SLCO1A2: variants seen among roughly 807,000 people sequenced by gnomAD.
The protein encoded by SLCO1A2 is OATP-1.
A neutral mutation model predicts 69.0 loss-of-function variants in SLCO1A2; 67 were observed. The ratio of observed to expected loss-of-function variants is 0.97; its 90% confidence interval spans 0.80 to 1.19. The LOEUF is 1.19. SLCO1A2 is among the 50% of genes most tolerant of loss of function. The probability of loss-of-function intolerance (pLI) is 0.00; values close to 1 mark genes in which losing one functional copy is unlikely to be tolerated. For synonymous variants in SLCO1A2, 260 were observed against 265.9 expected, an observed-to-expected ratio of 0.98 and a Z score of 0.22; for missense variants, 787 against 793.7, an observed-to-expected ratio of 0.99 and a Z score of 0.10.
Position 21,294,002 on chromosome 12 carries a change from T to A in SLCO1A2, c.1380A>T (p.Ser460=), listed in dbSNP as rs11568574. 1.9e-6 allele frequency: 3 copies of A among 1,613,096 alleles called. No homozygotes were observed. Among genetic ancestry groups the A allele is most frequent in the Non-Finnish European group, 2.5e-6 (3 of 1,179,590 alleles). The change falls in exon 11 of 15, where the codon TCA becomes TCT. Residue 460 remains serine (S), a synonymous_variant. Coordinates refer to ENST00000683939, the MANE Select transcript of SLCO1A2 (RefSeq NM_001386879.1). ...AACCAGCAAGACAAGCTGACAGATA[T>A]GACAAGCCATTGTTTCCACACACAG... ...WDPVCGNNGL[S]YLSACLAGCE... is the part of the protein sequence containing the mutation.
At chr12:21,274,915 T>G in intron 13 of SLCO1A2, 3 of 1,054,786 alleles carry the variant, frequency 2.8e-6, no homozygotes, top group African/African-American at 1.7e-5. Flanking sequence ...TCATTTTATT[T>G]TCAAATCTTC....
intron 12 of SLCO1A2, among the ~76,000 whole-genome samples, chr12:21,290,384 T>C: frequency 6.6e-6 from 1 of 152,030 alleles, no homozygotes; most frequent in East Asian, 1.9e-4. Flanking sequence ...GGCAGGTGGG[T>C]GAGGCAAAGT....
At chr12:21,361,913 G>A (rs549037774) in intron 2 of SLCO1A2, among the ~76,000 whole-genome samples, 22 of 152,238 alleles carry the variant, frequency 1.4e-4, no homozygotes, top group Admixed American at 2.6e-4. Flanking sequence ...CCAAATCTAC[G>A]TCTGATTGGT....
chr12:21,315,682 G>A (rs1045868949), intron 3 of SLCO1A2, among the ~76,000 whole-genome samples: 4 of 152,120 alleles, frequency 2.6e-5, no homozygotes, highest in African/African-American at 9.7e-5. Flanking sequence ...TATTTTATAT[G>A]GAGAGCGCCC....
chr12:21,288,861 A>G (rs1946384461), intron 12 of SLCO1A2, among the ~76,000 whole-genome samples: 1 of 151,520 alleles, frequency 6.6e-6, no homozygotes, highest in Non-Finnish European at 1.5e-5. Context: ...TTTAAATCTA[A>G]TTTTTACTTC....
intron 2 of SLCO1A2, among the ~76,000 whole-genome samples, chr12:21,331,389 C>T (rs1565503566): frequency 6.6e-6 from 1 of 152,014 alleles, no homozygotes; most frequent in Non-Finnish European, 1.5e-5. Flanking sequence ...TGTTTGTTTT[C>T]TTTTTTTCAG....
At chr12:21,348,366 A>G (rs1340964882) in intron 2 of SLCO1A2, among the ~76,000 whole-genome samples, 1 of 152,158 alleles carries the variant, frequency 6.6e-6, no homozygotes, top group Non-Finnish European at 1.5e-5. Context: ...GTAACCATTA[A>G]CCATCCTCAC....
chr12:21,362,824 C>A (rs1157834540), intron 2 of SLCO1A2, among the ~76,000 whole-genome samples: 4 of 152,180 alleles, frequency 2.6e-5, no homozygotes, highest in Non-Finnish European at 5.9e-5. Flanking sequence ...GTAACAGGAT[C>A]AATTCAACAA....
intron 2 of SLCO1A2, among the ~76,000 whole-genome samples, chr12:21,367,915 A>G (rs1213168216): frequency 6.6e-6 from 1 of 152,196 alleles, no homozygotes; most frequent in African/African-American, 2.4e-5. Flanking sequence ...AGGTAATCAA[A>G]TAGTTAACAA....
chr12:21,363,807 T>A (rs1419261231), intron 2 of SLCO1A2, among the ~76,000 whole-genome samples: 1 of 152,108 alleles, frequency 6.6e-6, no homozygotes, highest in Non-Finnish European at 1.5e-5. Flanking sequence ...AAGAAATGGA[T>A]AAATTCCTGG....
At chr12:21,343,708 A>G (rs559769406) in intron 2 of SLCO1A2, among the ~76,000 whole-genome samples, 1 of 152,272 alleles carries the variant, frequency 6.6e-6, no homozygotes, top group South Asian at 2.1e-4. Context: ...TTAAGGGATA[A>G]CTAATCCTCA....
chr12:21,353,453 A>T, intron 2 of SLCO1A2, among the ~76,000 whole-genome samples: 1 of 151,308 alleles, frequency 6.6e-6, no homozygotes, highest in Non-Finnish European at 1.5e-5. Flanking sequence ...CTCTTTCTTT[A>T]TTTTTGGGAT....
chr12:21,373,260 C>A, intron 2 of SLCO1A2: 1 of 916,490 alleles, frequency 1.1e-6, no homozygotes, highest in Non-Finnish European at 1.8e-6. Context: ...CTTTTAAAAA[C>A]TAAGCTCTAA....
chr12:21,274,670 G>GTAA, intron 13 of SLCO1A2, 84 bp from the exon 14 acceptor site: 2 of 980,900 alleles, frequency 2.0e-6, no homozygotes, highest in Non-Finnish European at 1.6e-6. Context: ...TTCTTTATTT[G>GTAA]TACGGCAAAG....
At chr12:21,394,764 A>C (rs1238394674) in intron 1 of SLCO1A2, 1 of 152,114 alleles carries the variant, frequency 6.6e-6, no homozygotes, top group Non-Finnish European at 1.5e-5. Flanking sequence ...CTTGTATAAC[A>C]GTTTTTTTCT....
chr12:21,364,900 C>A (rs934682997), intron 2 of SLCO1A2, among the ~76,000 whole-genome samples: 2 of 152,060 alleles, frequency 1.3e-5, no homozygotes, highest in Non-Finnish European at 2.9e-5. Flanking sequence ...TAAAACAGGA[C>A]ACAAACAAAT....
intron 7 of SLCO1A2, 37 bp from the exon 8 acceptor site, chr12:21,300,606 C>A: frequency 6.9e-7 from 1 of 1,455,054 alleles, no homozygotes; most frequent in South Asian, 1.4e-5. Context: ...TAGCTTAAGT[C>A]AGTATTTTCT....
upstream of SLCO1A2, among the ~76,000 whole-genome samples, chr12:21,398,235 A>C (rs568540813): frequency 6.6e-6 from 1 of 151,420 alleles, no homozygotes; most frequent in East Asian, 1.9e-4. Flanking sequence ...ATCAGAGAAT[A>C]CTACAAACAC....
chr12:21,360,752 C>T (rs948189161), intron 2 of SLCO1A2, among the ~76,000 whole-genome samples: 1 of 152,220 alleles, frequency 6.6e-6, no homozygotes. Flanking sequence ...CCGCGGCTGG[C>T]TTGGAGGCTC....
Sources: gnomAD v4.1 joint callset for allele counts (sites outside exome capture counted in the v4.1 genomes callset) on GRCh38, gnomAD v4.1.1 for gene constraint, MANE v1.5 for transcripts, NCBI Gene and HGNC (gene_info 2026-07-23, HGNC 2026-07-21) for gene names.